The following KSR2 variants were observed in gnomAD, a reference collection of about 807,000 sequenced individuals.
KSR2 encodes the protein kinase suppressor of ras 2.
KSR2 carries 25 observed loss-of-function variants against 107.8 expected under a neutral mutation model. The observed-to-expected ratio is 0.23, with a 90% CI of 0.17 to 0.32. KSR2 has a LOEUF of 0.32. Ranked by LOEUF, KSR2 falls within the 10% of genes least tolerant of loss-of-function variation. KSR2 has a pLI of 1.00. For missense variants in KSR2, 887 were observed against 1,268.9 expected, an observed-to-expected ratio of 0.70 and a Z score of 4.57; for synonymous variants, 480 against 507.0, an observed-to-expected ratio of 0.95 and a Z score of 0.71.
intron 5 of KSR2, among the ~76,000 whole-genome samples, chr12:117,632,218 C>CTTTTTTTTTTTT (rs544594793): frequency 1.2e-5 from 1 of 84,028 alleles, no homozygotes; most frequent in African/African-American, 4.8e-5. Flanking sequence ...AGTCCTACTC[C>CTTTTTTTTTTTT]TTTTTTTTTT....
intron 3 of KSR2, among the ~76,000 whole-genome samples, chr12:117,849,785 C>A (rs1892849911): frequency 6.6e-6 from 1 of 152,170 alleles, no homozygotes; most frequent in African/African-American, 2.4e-5. Flanking sequence ...CTTGGCCAAG[C>A]ACAAAGCAGC....
At chr12:117,837,892 G>A (rs1049069336) in intron 3 of KSR2, among the ~76,000 whole-genome samples, 11 of 152,302 alleles carry the variant, frequency 7.2e-5, no homozygotes, top group Middle Eastern at 3.4e-3. Flanking sequence ...GTGGGGAAAG[G>A]AGGACCATTT....
chr12:117,857,053 T>C (rs1893127602), intron 2 of KSR2, among the ~76,000 whole-genome samples: 1 of 151,940 alleles, frequency 6.6e-6, no homozygotes, highest in African/African-American at 2.4e-5. Flanking sequence ...ATCTGTTTAT[T>C]TCTGGTTGTT....
At chr12:117,661,432 G>A (rs1884428246) in intron 5 of KSR2, among the ~76,000 whole-genome samples, 1 of 152,132 alleles carries the variant, frequency 6.6e-6, no homozygotes, top group Admixed American at 6.5e-5. Flanking sequence ...AAAAATTAGA[G>A]AGAGAGAAAG....
chr12:117,469,016 G>A (rs780614021), intron 19 of KSR2, among the ~76,000 whole-genome samples: 1 of 152,176 alleles, frequency 6.6e-6, no homozygotes, highest in African/African-American at 2.4e-5. Flanking sequence ...ATCTGGGCCT[G>A]TCTCCCTTTT....
rs932662611 is a variant in KSR2, at chr12:117,461,327, C to T, written c.*5872G>A. 2.0e-5 allele frequency: 3 copies of T among 152,240 alleles called. No individual in the cohort carries two copies. The highest frequency in any genetic ancestry group is 7.2e-5 in the African/African-American group (3 of 41,444). 9.4% of individuals were successfully genotyped at this position (152,240 alleles called of 1,614,324 possible). On this transcript the variant is annotated 3_prime_UTR_variant, in exon 20 of 20. Coordinates refer to ENST00000339824, the MANE Select transcript of KSR2 (RefSeq NM_173598.6). The stretch of plus-strand genomic sequence containing the variant: ...CTCATTGGGGTTGATATGGCACCCA[C>T]AACATGGTCTGGCAAAGGGGAATCC...
intron 14 of KSR2, among the ~76,000 whole-genome samples, chr12:117,512,931 C>A (rs1001562455): frequency 2.6e-5 from 4 of 152,124 alleles, no homozygotes; most frequent in Non-Finnish European, 4.4e-5. Flanking sequence ...CACTGGACAT[C>A]TAGACAACAA....
intron 1 of KSR2, among the ~76,000 whole-genome samples, chr12:117,879,003 G>A (rs1450179492): frequency 2.0e-5 from 3 of 151,898 alleles, no homozygotes; most frequent in South Asian, 4.2e-4. Flanking sequence ...CAGACAACAC[G>A]CCCACCGAAA....
At chr12:117,924,996 G>C (rs1895466207) in intron 1 of KSR2, among the ~76,000 whole-genome samples, 1 of 152,010 alleles carries the variant, frequency 6.6e-6, no homozygotes, top group Admixed American at 6.6e-5. Context: ...ATGACCTCTG[G>C]GATTTGCGTC....
chr12:117,571,930 G>A (rs965444448), intron 7 of KSR2, among the ~76,000 whole-genome samples: 12 of 152,012 alleles, frequency 7.9e-5, no homozygotes, highest in African/African-American at 2.2e-4. Context: ...GTCCAAGATC[G>A]CTTTTCTAGG....
At chr12:117,623,054 G>A (rs1217332446) in intron 5 of KSR2, among the ~76,000 whole-genome samples, 1 of 152,162 alleles carries the variant, frequency 6.6e-6, no homozygotes, top group African/African-American at 2.4e-5. Flanking sequence ...CTGGTATGAG[G>A]CTCAGAGGAA....
At chr12:117,537,519 T>C (rs1433697694) in intron 10 of KSR2, among the ~76,000 whole-genome samples, 1 of 152,222 alleles carries the variant, frequency 6.6e-6, no homozygotes, top group Non-Finnish European at 1.5e-5. Flanking sequence ...AAAACAATTA[T>C]CTAAGGTGGG....
chr12:117,879,846 G>T (rs1293455391), intron 1 of KSR2, among the ~76,000 whole-genome samples: 1 of 152,220 alleles, frequency 6.6e-6, no homozygotes, highest in Non-Finnish European at 1.5e-5. Context: ...CCTGATTGCT[G>T]GATTTTGTTA....
chr12:117,866,548 G>A (rs1041376867), intron 1 of KSR2, among the ~76,000 whole-genome samples: 7 of 151,972 alleles, frequency 4.6e-5, no homozygotes, highest in African/African-American at 9.7e-5. Flanking sequence ...GAGTTGATTC[G>A]GCCGGACACA....
At chr12:117,706,864 G>T (rs942952569) in intron 4 of KSR2, among the ~76,000 whole-genome samples, 3 of 152,090 alleles carry the variant, frequency 2.0e-5, no homozygotes, top group East Asian at 1.9e-4. Flanking sequence ...AAACAGGAGG[G>T]TTACAAGAGA....
intron 3 of KSR2, among the ~76,000 whole-genome samples, chr12:117,777,726 C>T (rs1402307748): frequency 6.6e-6 from 1 of 152,142 alleles, no homozygotes; most frequent in Non-Finnish European, 1.5e-5. Flanking sequence ...CACTGCCTTG[C>T]AATAAATAAA....
intron 1 of KSR2, among the ~76,000 whole-genome samples, chr12:117,961,463 C>T (rs1047650431): frequency 6.6e-6 from 1 of 152,220 alleles, no homozygotes; most frequent in African/African-American, 2.4e-5. Flanking sequence ...TCCCCATCCT[C>T]TATACCCAGG....
chr12:117,590,764 A>C (rs1880271042), intron 5 of KSR2, among the ~76,000 whole-genome samples: 1 of 152,226 alleles, frequency 6.6e-6, no homozygotes, highest in Admixed American at 6.5e-5. Context: ...CAACAGGAGT[A>C]GTTGTAACAG....
chr12:117,628,593 C>T (rs928446290), intron 5 of KSR2, among the ~76,000 whole-genome samples: 31 of 152,120 alleles, frequency 2.0e-4, no homozygotes, highest in African/African-American at 7.5e-4. Context: ...AGAGGGGGAG[C>T]CACCTATATG....
Sources: gnomAD v4.1 joint callset for allele counts (sites outside exome capture counted in the v4.1 genomes callset) on GRCh38, gnomAD v4.1.1 for gene constraint, MANE v1.5 for transcripts, NCBI Gene and HGNC (gene_info 2026-07-23, HGNC 2026-07-21) for gene names.